RIPOR1: variants seen among roughly 807,000 people sequenced by gnomAD.
The protein encoded by RIPOR1 is rho family-interacting cell polarization regulator 1.
Under a neutral mutation model 116.5 loss-of-function variants are expected in RIPOR1, and 58 were observed. That is an observed-to-expected ratio of 0.50 (90% CI 0.40 to 0.62). RIPOR1 has a LOEUF of 0.62. Among genes scored for constraint, RIPOR1 ranks in the 20% least tolerant of loss-of-function variants. RIPOR1 has a pLI of 0.00. For missense variants in RIPOR1, 1,372 were observed against 1,586.2 expected, an observed-to-expected ratio of 0.86 and a Z score of 2.29; for synonymous variants, 605 against 650.0, an observed-to-expected ratio of 0.93 and a Z score of 1.05.
At position 67,543,175 on chromosome 16, in the gene RIPOR1, C is replaced by G; in HGVS notation, c.2389C>G (p.Leu797Val). 1 of 1,542,056 alleles carries G rather than the reference C, an allele frequency of 6.5e-7. No homozygotes were observed. Among genetic ancestry groups the G allele is most frequent in the Non-Finnish European group, 8.7e-7 (1 of 1,144,386 alleles). The change falls in exon 13 of 22, where the codon CTA becomes GTA. Residue 797 changes from leucine (L) to valine (V), a missense_variant. This residue lies in a region of RIPOR1 where 1,005 missense variants were observed against 1,144.7 expected (regional missense o/e 0.88). Transcript: ENST00000042381. The surrounding 1 kb of genome is among the most constrained non-coding windows in gnomAD (Gnocchi z 4.7). The stretch of plus-strand genomic sequence containing the variant: ...GAGCCTGGAGGAGGCACTGGGGGCC[C>G]TAATGGCTGCCCTGGATGACTACCG... Reference protein sequence around the residue: ...DRSLEEALGALMAALDDYRGQ... With the variant: ...DRSLEEALGAVMAALDDYRGQ...
rs371925373 is a variant in RIPOR1 at position 67,532,141 on chromosome 16, C to T, written c.-24+3227C>T. On this transcript the variant is annotated intron_variant, in intron 1 of 21. Transcript: ENST00000042381. ...GTCTTGATCTCCTGACCTCATGATC[C>T]GCCCTCCTCAGCCTCCCAAAGTGCT... Among the ~76,000 whole-genome samples the T allele has an allele frequency of 1.4e-3, 220 of 152,046 alleles. 1 individual carries two copies. Among genetic ancestry groups the T allele is most frequent in the South Asian group, 0.014 (68 of 4,798 alleles).
At chr16:67,523,003 C>A (rs1473652722) in intron 1 of RIPOR1, among the ~76,000 whole-genome samples, 2 of 152,196 alleles carry the variant, frequency 1.3e-5, no homozygotes, top group African/African-American at 4.8e-5. Context: ...TCTCCTCTCT[C>A]CCTCTCTCTG....
At chr16:67,534,246 G>A (rs921296105) in intron 1 of RIPOR1, among the ~76,000 whole-genome samples, 4 of 150,854 alleles carry the variant, frequency 2.7e-5, no homozygotes, top group Non-Finnish European at 5.9e-5. Flanking sequence ...TCAGCCTCCC[G>A]AGTAGGTGGG....
intron 1 of RIPOR1, among the ~76,000 whole-genome samples, chr16:67,520,437 TAAGAGAAGAG>T (rs796162372): frequency 8.2e-5 from 12 of 145,558 alleles, no homozygotes; most frequent in Non-Finnish European, 1.2e-4. Flanking sequence ...GAAGAGAAGA[TAAGAGAAGAG>T]AAGAGAAGAG....
Position 67,538,497 on chromosome 16 carries a change from C to G in RIPOR1, c.51C>G (p.Val17=). The change falls in exon 2 of 22, where the codon GTC becomes GTG. Residue 17 remains valine, a synonymous_variant. Transcript: ENST00000042381. ...AGCGCCGTCTGCTCAGCGCCCGGGT[C>G]AATAGGAGCCAGTCCTTCGCAGGCG... ...RPQRRLLSAR[V]NRSQSFAGVL... 1 of 1,611,940 alleles carries G rather than the reference C, an allele frequency of 6.2e-7. No homozygotes were observed. The highest frequency in any genetic ancestry group is 8.5e-7 in the Non-Finnish European group (1 of 1,179,386).
chr16:67,528,458 G>T (rs1378798187), upstream of RIPOR1: 1 of 152,352 alleles, frequency 6.6e-6, no homozygotes, highest in Non-Finnish European at 1.5e-5. Context: ...AACAGCCCTG[G>T]ATCCTTTCCA....
Position 67,543,628 on chromosome 16 carries a change from G to A in RIPOR1, c.2600+159G>A, listed in dbSNP as rs990705153. 55 of 1,019,172 alleles carry A rather than the reference G, an allele frequency of 5.4e-5. No homozygotes were observed. The highest frequency in any genetic ancestry group is 7.2e-5 in the Non-Finnish European group (50 of 696,364). 63.1% of individuals were successfully genotyped at this position (1,019,172 alleles called of 1,614,324 possible). A position where few individuals can be genotyped will look rare whatever the true frequency, so the allele number is the denominator to read the frequency against. On this transcript the variant is annotated intron_variant, in intron 14 of 21. Coordinates refer to ENST00000042381, the MANE Select transcript of RIPOR1 (RefSeq NM_024519.4). The surrounding 1 kb of genome is among the most constrained non-coding windows in gnomAD (Gnocchi z 4.7). The stretch of plus-strand genomic sequence containing the variant: ...TGTGAGGACTGAGTTGCTGGCAGGT[G>A]CACCTGTGTCCACCCCTCCCATGTC...
rs754751062 is a variant in RIPOR1, at chr16:67,544,396, G to A, written c.2698G>A (p.Val900Ile). The change falls in exon 15 of 22, where the codon GTC becomes ATC. Residue 900 changes from valine (V) to isoleucine (I), a missense_variant. Around this residue, in one of 3 missense-constraint regions of RIPOR1, gnomAD observed 1,005 missense variants for 1,144.7 expected, o/e 0.88. Transcript: ENST00000042381. The surrounding 1 kb of genome is among the most constrained non-coding windows in gnomAD (Gnocchi z 5.1). ...TGCPALDAAL[V>I]RHLYHCSRLL... is the part of the protein sequence containing the mutation. Reference sequence around the variant, plus strand: ...GTGTCCAGCTCTGGATGCTGCCTTGGTCCGGCACCTGTACCACTGCAGTCG... The same window carrying A: ...GTGTCCAGCTCTGGATGCTGCCTTGATCCGGCACCTGTACCACTGCAGTCG... 2.5e-6 allele frequency: 4 copies of A among 1,612,628 alleles called. No homozygotes were observed. The East Asian group carries it at 8.9e-5, about 36-fold the overall frequency.
At chr16:67,524,077 T>C (rs2050520510), upstream of RIPOR1, among the ~76,000 whole-genome samples, 2 of 152,156 alleles carry the variant, frequency 1.3e-5, no homozygotes, top group Non-Finnish European at 2.9e-5. Flanking sequence ...AAAAAAATAG[T>C]GTCTCCTGTT....
Position 67,543,680 on chromosome 16 carries a change from G to A in RIPOR1, c.2600+211G>A, listed in dbSNP as rs542873480. The A allele has an allele frequency of 4.9e-5, 32 of 653,230 alleles. No individual in the cohort carries two copies. Among genetic ancestry groups the A allele is most frequent in the African/African-American group, 4.9e-4 (27 of 55,134 alleles). The allele number at this position is 653,230 out of a possible 1,614,324, so 40.5% of individuals were successfully genotyped here. A position where few individuals can be genotyped will look rare whatever the true frequency, so the allele number is the denominator to read the frequency against. On this transcript the variant is annotated intron_variant, in intron 14 of 21. Transcript: ENST00000042381. This position sits in a 1 kb window ranked among gnomAD's most constrained non-coding sequence, Gnocchi z 4.7. ...TTCATGCCCATGTCTCCAACCCTAC[G>A]TGTGTCCCCAGTGCTTCTGACCGCC...
rs1045231994 is a variant in RIPOR1 at position 67,537,505 on chromosome 16, G to C, written c.-23-919G>C. On this transcript the variant is annotated intron_variant, in intron 1 of 21. Coordinates refer to ENST00000042381, the MANE Select transcript of RIPOR1 (RefSeq NM_024519.4). This position sits in a 1 kb window ranked among gnomAD's most constrained non-coding sequence, Gnocchi z 4.6. Reference sequence around the variant, plus strand: ...CTGGGAGCGAGCCCGGAGCCCAGCCGGGCGGCTCGAAGTGGCCAGGGCCGG... The same window carrying C: ...CTGGGAGCGAGCCCGGAGCCCAGCCCGGCGGCTCGAAGTGGCCAGGGCCGG... 2.4e-6 allele frequency: 3 copies of C among 1,274,578 alleles called. No homozygotes were observed. Among genetic ancestry groups the C allele is most frequent in the Non-Finnish European group, 3.0e-6 (3 of 1,008,906 alleles). The allele number at this position is 1,274,578 out of a possible 1,614,324, so 79.0% of individuals were successfully genotyped here. A position where few individuals can be genotyped will look rare whatever the true frequency, so the allele number is the denominator to read the frequency against.
Position 67,529,869 on chromosome 16 carries a change from A to T in RIPOR1, c.-24+955A>T. The stretch of plus-strand genomic sequence containing the variant: ...AAACAGGCCCAGAGAGGTTAGTAGT[A>T]TTCTCAAGGTCACACAGCTGGTTTG... On this transcript the variant is annotated intron_variant, in intron 1 of 21. Transcript: ENST00000042381. The surrounding 1 kb of genome is among the most constrained non-coding windows in gnomAD (Gnocchi z 4.1). The T allele has an allele frequency of 6.7e-7, 1 of 1,496,948 alleles. No individual in the cohort carries two copies. The highest frequency in any genetic ancestry group is 9.0e-7 in the Non-Finnish European group (1 of 1,111,186). The allele number at this position is 1,496,948 out of a possible 1,614,324, so 92.7% of individuals were successfully genotyped here.
intron 1 of RIPOR1, chr16:67,538,140 G>A: frequency 2.8e-6 from 1 of 358,920 alleles, no homozygotes; most frequent in Non-Finnish European, 5.0e-6. Context: ...CCCAGCCGGA[G>A]GAGGGTCCCC....
chr16:67,539,101 T>A, intron 4 of RIPOR1, 33 bp downstream of exon 4: 1 of 1,588,722 alleles, frequency 6.3e-7, no homozygotes, highest in Non-Finnish European at 8.6e-7. Context: ...GCCCTTTGCC[T>A]CTTTGGTGTG....
In RIPOR1 at chr16:67,543,295, C is replaced by G. The variant is rs748439678; in HGVS notation, c.2478+31C>G. On this transcript the variant is annotated intron_variant, in intron 13 of 21. Transcript: ENST00000042381. This position sits in a 1 kb window ranked among gnomAD's most constrained non-coding sequence, Gnocchi z 4.7. ...GAGGGCTGGGCTGGGCTAGGGCAACCAGGGAGGGCAGCCAGGGGGCGGCAG... is the reference window on the plus strand; with the variant it reads ...GAGGGCTGGGCTGGGCTAGGGCAACGAGGGAGGGCAGCCAGGGGGCGGCAG... 6.2e-7 allele frequency: 1 copy of G among 1,605,240 alleles called. No homozygotes were observed. Among genetic ancestry groups the G allele is most frequent in the African/African-American group, 1.3e-5 (1 of 74,982 alleles).
Position 67,543,553 on chromosome 16 carries a change from T to C in RIPOR1, c.2600+84T>C, listed in dbSNP as rs2051067588. ...ACCAGGGGAAGGTGGAACAGGTGAATTGGGAGAAAGTCAAAGGACAGGACA... is the reference window on the plus strand; with the variant it reads ...ACCAGGGGAAGGTGGAACAGGTGAACTGGGAGAAAGTCAAAGGACAGGACA... On this transcript the variant is annotated intron_variant, in intron 14 of 21. Coordinates refer to ENST00000042381, the MANE Select transcript of RIPOR1 (RefSeq NM_024519.4). This position sits in a 1 kb window ranked among gnomAD's most constrained non-coding sequence, Gnocchi z 4.7. 1 of 1,526,272 alleles carries C rather than the reference T, an allele frequency of 6.6e-7. No homozygotes were observed. The highest frequency in any genetic ancestry group is 8.8e-7 in the Non-Finnish European group (1 of 1,138,756). The allele number at this position is 1,526,272 out of a possible 1,614,324, so 94.5% of individuals were successfully genotyped here.
chr16:67,524,239 AT>A (rs2050522323), upstream of RIPOR1, among the ~76,000 whole-genome samples: 1 of 152,212 alleles, frequency 6.6e-6, no homozygotes, highest in Admixed American at 6.5e-5. Flanking sequence ...CAGGACTTGA[AT>A]GTGGAGCAGC....
Position 67,541,345 on chromosome 16 carries a change from G to A in RIPOR1, c.802-85G>A, listed in dbSNP as rs897427552. ...TCAGCCTCCCATGACCATTTTATAA[G>A]TTCTATGCAAATTCAGACCTCAGAT... On this transcript the variant is annotated intron_variant, in intron 10 of 21. Coordinates refer to ENST00000042381, the MANE Select transcript of RIPOR1 (RefSeq NM_024519.4). This position sits in a 1 kb window ranked among gnomAD's most constrained non-coding sequence, Gnocchi z 4.6. The A allele has an allele frequency of 1.3e-6, 2 of 1,491,350 alleles. No individual in the cohort carries two copies. Among genetic ancestry groups the A allele is most frequent in the African/African-American group, 1.4e-5 (1 of 71,114 alleles). 92.4% of individuals were successfully genotyped at this position (1,491,350 alleles called of 1,614,324 possible).
Position 67,537,371 on chromosome 16 carries a change from C to T in RIPOR1, c.-23-1053C>T, listed in dbSNP as rs1173101890. ...CCCTCGCCCCCCGTCGGTCCCCTCC[C>T]CGAGGGGAACCCCAGTCACCGGTCC... On this transcript the variant is annotated intron_variant, in intron 1 of 21. Coordinates refer to ENST00000042381, the MANE Select transcript of RIPOR1 (RefSeq NM_024519.4). This position sits in a 1 kb window ranked among gnomAD's most constrained non-coding sequence, Gnocchi z 4.6. 8.1e-7 allele frequency: 1 copy of T among 1,228,954 alleles called. No homozygotes were observed. The highest frequency in any genetic ancestry group is 3.2e-5 in the East Asian group (1 of 30,782). 76.1% of individuals were successfully genotyped at this position (1,228,954 alleles called of 1,614,324 possible). A position where few individuals can be genotyped will look rare whatever the true frequency, so the allele number is the denominator to read the frequency against.
Sources: gnomAD v4.1 joint callset for allele counts (sites outside exome capture counted in the v4.1 genomes callset) on GRCh38, gnomAD v4.1.1 for gene constraint, gnomAD v4.1.1 regional missense constraint, Gnocchi (gnomAD v3.1) non-coding constraint, MANE v1.5 for transcripts, NCBI Gene and HGNC (gene_info 2026-07-23, HGNC 2026-07-21) for gene names.